Variants in ATXN7L1 observed in about 807,000 individuals in gnomAD.
ATXN7L1 encodes ataxin 7 like 1.
In ATXN7L1, 15 loss-of-function variants were observed where a neutral mutation model predicts 70.8. The ratio of observed to expected loss-of-function variants is 0.21; its 90% CI spans 0.14 to 0.33. The LOEUF (loss-of-function observed/expected upper bound fraction) is 0.33. ATXN7L1 is among the 10% of genes least tolerant of loss of function. The pLI is 1.00. For synonymous variants in ATXN7L1, 440 were observed against 445.1 expected (o/e 0.99, Z 0.14); for missense variants, 975 against 1,097.1 (o/e 0.89, Z 1.57).
rs1796038684 is a variant in ATXN7L1 at position 105,727,764 on chromosome 7, A to ATATATG, written c.355+60839_355+60840insCATATA. Among the ~76,000 whole-genome samples the ATATATG allele has an allele frequency of 4.3e-5, 4 of 92,880 alleles. No homozygotes were observed. The East Asian group carries it at 1.7e-3, about 39-fold the overall frequency. 60.9% of individuals were successfully genotyped at this position (92,880 alleles called of 152,430 possible). A position where few individuals can be genotyped will look rare whatever the true frequency, so the allele number is the denominator to read the frequency against. ...TATGTGTGTATATATATATATATAT[A>ATATATG]TATATATATATATACACACACATAC... On this transcript the variant is annotated intron_variant, in intron 3 of 11. Coordinates refer to ENST00000419735, the MANE Select transcript of ATXN7L1 (RefSeq NM_020725.2).
intron 3 of ATXN7L1, among the ~76,000 whole-genome samples, chr7:105,724,846 AC>A (rs1795623978): frequency 7.1e-6 from 1 of 140,120 alleles, no homozygotes; most frequent in Non-Finnish European, 1.6e-5. Flanking sequence ...TGTTTTTTGG[AC>A]ACAAGATCTT....
rs553154477 is a variant in ATXN7L1, at chr7:105,610,512, C to G, written c.2547+17G>C. ...ACCATATGAATTTTTGCCCCACCCC[C>G]ACCCTCAGTAACTTACCTGTCGGCT... On this transcript the variant is annotated intron_variant, in intron 11 of 11. Transcript: ENST00000419735. 2.1e-5 allele frequency: 32 copies of G among 1,549,188 alleles called. No homozygotes were observed. The highest frequency in any genetic ancestry group is 2.7e-5 in the Non-Finnish European group (31 of 1,145,226).
chr7:105,780,230 CT>C (rs1282148280), intron 3 of ATXN7L1, among the ~76,000 whole-genome samples: 1 of 152,198 alleles, frequency 6.6e-6, no homozygotes, highest in East Asian at 1.9e-4. Context: ...ATGTGTAGCA[CT>C]GCTGAGACAT....
chr7:105,749,394 C>G (rs1368939715), intron 3 of ATXN7L1, among the ~76,000 whole-genome samples: 2 of 151,800 alleles, frequency 1.3e-5, no homozygotes, highest in South Asian at 2.1e-4. Flanking sequence ...GATTTTAAGT[C>G]TAATTCTACC....
intron 2 of ATXN7L1, among the ~76,000 whole-genome samples, chr7:105,831,518 C>T (rs1015691779): frequency 3.9e-5 from 6 of 152,168 alleles, no homozygotes; most frequent in South Asian, 2.1e-4. Flanking sequence ...ATGAAAAGTG[C>T]TCTGGGATGC....
At chr7:105,808,879 C>T (rs771008534) in intron 2 of ATXN7L1, among the ~76,000 whole-genome samples, 2 of 152,222 alleles carry the variant, frequency 1.3e-5, no homozygotes, top group East Asian at 1.9e-4. Context: ...TTGTTTACTC[C>T]CCCTGTTGGG....
At chr7:105,727,746 GTATATATATATATATATATA>G (rs1232202676) in intron 3 of ATXN7L1, among the ~76,000 whole-genome samples, 1 of 55,356 alleles carries the variant, frequency 1.8e-5, no homozygotes, top group Middle Eastern at 0.011. Context: ...GTGTATGTGT[GTATATATATATATATATATA>G]TATATATATA....
intron 3 of ATXN7L1, among the ~76,000 whole-genome samples, chr7:105,733,187 T>C (rs1032822789): frequency 4.6e-5 from 7 of 152,196 alleles, no homozygotes; most frequent in African/African-American, 1.7e-4. Context: ...TAGAATCTAG[T>C]AGATAGTTGG....
intron 3 of ATXN7L1, among the ~76,000 whole-genome samples, chr7:105,763,368 G>T (rs1800789312): frequency 6.6e-6 from 1 of 152,178 alleles, no homozygotes; most frequent in South Asian, 2.1e-4. Flanking sequence ...GAGGAGGGAG[G>T]AGCTCCCCAG....
intron 3 of ATXN7L1, chr7:105,678,118 G>A: frequency 1.6e-6 from 1 of 623,726 alleles, no homozygotes; most frequent in Non-Finnish European, 2.0e-6. Context: ...TTCCTTTCTG[G>A]CCCCCTTTTC....
intron 5 of ATXN7L1, among the ~76,000 whole-genome samples, chr7:105,641,214 C>CTTTTTTTTTTTTTTTT (rs561100060): frequency 9.2e-5 from 2 of 21,794 alleles, no homozygotes; most frequent in Admixed American, 7.4e-4. Context: ...CTCTCTCTCT[C>CTTTTTTTTTTTTTTTT]TTTTTTTTTT....
intron 3 of ATXN7L1, among the ~76,000 whole-genome samples, chr7:105,730,835 T>C (rs553932254): frequency 6.6e-6 from 1 of 152,228 alleles, no homozygotes; most frequent in South Asian, 2.1e-4. Flanking sequence ...CGTGCAAAAC[T>C]AAGGAAATCT....
chr7:105,668,094 T>C (rs927683737), intron 3 of ATXN7L1, among the ~76,000 whole-genome samples: 21 of 152,184 alleles, frequency 1.4e-4, no homozygotes, highest in Admixed American at 2.6e-4. Flanking sequence ...TTAAAAATTA[T>C]GCAAGTAAAC....
chr7:105,623,958 T>C, intron 8 of ATXN7L1, 117 bp downstream of exon 8: 1 of 972,758 alleles, frequency 1.0e-6, no homozygotes, highest in Non-Finnish European at 1.4e-6. Flanking sequence ...TAAGCCTTTT[T>C]GTAAAACACT....
chr7:105,728,291 C>T lies in ATXN7L1; in HGVS notation c.355+60313G>A, dbSNP rs183245495. 2.5e-3 allele frequency among the ~76,000 whole-genome samples: 381 copies of T among 152,256 alleles called. 2 individuals carry two copies. The highest frequency in any genetic ancestry group is 5.6e-3 in the Admixed American group (86 of 15,280). On this transcript the variant is annotated intron_variant, in intron 3 of 11. Coordinates refer to ENST00000419735, the MANE Select transcript of ATXN7L1 (RefSeq NM_020725.2). ...CAAAAGTGAATATAAGCACTGTCCT[C>T]TATTCGATAACATTGTTTCCCATGG...
chr7:105,690,866 C>G (rs1429913132), intron 3 of ATXN7L1, among the ~76,000 whole-genome samples: 1 of 152,144 alleles, frequency 6.6e-6, no homozygotes, highest in African/African-American at 2.4e-5. Context: ...CTAATTCCGG[C>G]TTAGTGTTTT....
At chr7:105,651,518 T>A (rs988852043) in intron 4 of ATXN7L1, among the ~76,000 whole-genome samples, 1 of 152,064 alleles carries the variant, frequency 6.6e-6, no homozygotes, top group African/African-American at 2.4e-5. Flanking sequence ...GTGGACAGGG[T>A]GGAGGCAGAA....
chr7:105,776,493 A>ACC (rs33932326), intron 3 of ATXN7L1, among the ~76,000 whole-genome samples: 2,988 of 143,848 alleles, frequency 0.021, 45 homozygotes, highest in Middle Eastern at 0.039. Context: ...CAAACAAACA[A>ACC]CCCCCCCCCC....
intron 3 of ATXN7L1, among the ~76,000 whole-genome samples, chr7:105,703,614 T>C (rs1480998927): frequency 6.6e-6 from 1 of 152,234 alleles, no homozygotes; most frequent in Non-Finnish European, 1.5e-5. Flanking sequence ...GTATGTAGCC[T>C]GGCCAAAACC....
Sources: allele counts gnomAD v4.1 joint callset (sites outside exome capture counted in the v4.1 genomes callset), GRCh38; gene constraint gnomAD v4.1.1; transcripts MANE v1.5; gene names NCBI Gene and HGNC (gene_info 2026-07-23, HGNC 2026-07-21).